Variants in ASXL3 observed in about 807,000 individuals in gnomAD.
ASXL3 encodes the protein putative Polycomb group protein ASXL3.
Under a neutral mutation model 170.6 loss-of-function variants are expected in ASXL3, and 34 were observed. That is an observed-to-expected ratio of 0.20 (90% CI 0.15 to 0.27). The LOEUF is 0.27. ASXL3 is among the 10% of genes least tolerant of loss of function. The probability of loss-of-function intolerance (pLI) is 1.00; values close to 1 mark genes in which losing one functional copy is unlikely to be tolerated. For missense variants in ASXL3, 2,592 were observed against 2,695.3 expected (o/e 0.96, Z 0.85); for synonymous variants, 1,002 against 989.1 (o/e 1.01, Z -0.24).
At chr18:33,700,711 C>A (rs2066858353) in intron 8 of ASXL3, among the ~76,000 whole-genome samples, 1 of 152,006 alleles carries the variant, frequency 6.6e-6, no homozygotes, top group Non-Finnish European at 1.5e-5. Flanking sequence ...TTAAATTTTT[C>A]CAAAAGTGTT....
intron 5 of ASXL3, among the ~76,000 whole-genome samples, chr18:33,667,280 GAA>G (rs1491542307): frequency 3.3e-5 from 5 of 152,050 alleles, no homozygotes; most frequent in Non-Finnish European, 5.9e-5. Flanking sequence ...CAGAAAAAAA[GAA>G]AGAGGAAACA....
chr18:33,736,006 T>C (rs368163043), intron 10 of ASXL3, among the ~76,000 whole-genome samples: 351 of 28,136 alleles, frequency 0.012, no homozygotes, highest in African/African-American at 0.1. Context: ...TTGCAAATAT[T>C]TCATTTAATC....
intron 1 of ASXL3, among the ~76,000 whole-genome samples, chr18:33,604,692 G>T (rs2065224960): frequency 6.6e-6 from 1 of 151,938 alleles, no homozygotes; most frequent in Non-Finnish European, 1.5e-5. Flanking sequence ...GAGTAAGTGT[G>T]GGGGTCCAAG....
intron 8 of ASXL3, among the ~76,000 whole-genome samples, chr18:33,720,021 A>C (rs2145369169): frequency 6.6e-6 from 1 of 152,148 alleles, no homozygotes; most frequent in South Asian, 2.1e-4. Flanking sequence ...GAAGAAGTAG[A>C]TCAGGGCCAT....
At chr18:33,641,661 A>AATTT (rs2065848799) in intron 2 of ASXL3, among the ~76,000 whole-genome samples, 1 of 152,030 alleles carries the variant, frequency 6.6e-6, no homozygotes, top group South Asian at 2.1e-4. Flanking sequence ...TAGGCAGCCA[A>AATTT]ATTTGGCTTT....
At chr18:33,686,327 C>CGTT (rs1568327739) in intron 8 of ASXL3, among the ~76,000 whole-genome samples, 1 of 152,186 alleles carries the variant, frequency 6.6e-6, no homozygotes, top group Non-Finnish European at 1.5e-5. Context: ...ATACTCTGTG[C>CGTT]TCACTACTAG....
At chr18:33,675,366 C>T (rs979700972) in intron 7 of ASXL3, among the ~76,000 whole-genome samples, 1 of 152,132 alleles carries the variant, frequency 6.6e-6, no homozygotes, top group African/African-American at 2.4e-5. Context: ...ATTTTTTCCA[C>T]CTGAGTTAGA....
At chr18:33,678,077 ATTAT>A (rs140094203) in intron 7 of ASXL3, among the ~76,000 whole-genome samples, 35,311 of 149,156 alleles carry the variant, frequency 0.24, 5,090 homozygotes, top group African/African-American at 0.41. Flanking sequence ...TTATGTATTT[ATTAT>A]TTATTTATTT....
At chr18:33,615,624 T>C (rs1432322899) in intron 2 of ASXL3, among the ~76,000 whole-genome samples, 2 of 152,110 alleles carry the variant, frequency 1.3e-5, no homozygotes, top group Admixed American at 6.6e-5. Flanking sequence ...CATAATAAAG[T>C]GAAACACACA....
intron 1 of ASXL3, among the ~76,000 whole-genome samples, chr18:33,601,783 T>TTGTTTATATATATATATATATATA (rs1555717828): frequency 1.5e-5 from 1 of 68,470 alleles, no homozygotes; most frequent in Non-Finnish European, 3.6e-5. Flanking sequence ...AAATATCTGA[T>TTGTTTATATATATATATATATATA]TGTATATATA....
At chr18:33,667,009 A>T (rs2066266962) in intron 5 of ASXL3, among the ~76,000 whole-genome samples, 1 of 152,156 alleles carries the variant, frequency 6.6e-6, no homozygotes, top group African/African-American at 2.4e-5. Context: ...CTTAGGTGAG[A>T]GGAGCCCTGT....
At chr18:33,699,374 TAG>T (rs1568335355) in intron 8 of ASXL3, among the ~76,000 whole-genome samples, 1 of 151,858 alleles carries the variant, frequency 6.6e-6, no homozygotes, top group Non-Finnish European at 1.5e-5. Flanking sequence ...ATGAAATTAT[TAG>T]TTGAAGAGTA....
intron 8 of ASXL3, among the ~76,000 whole-genome samples, chr18:33,719,699 T>C (rs2067226570): frequency 6.6e-6 from 1 of 151,988 alleles, no homozygotes; most frequent in South Asian, 2.1e-4. Flanking sequence ...AGAGTCTTCA[T>C]GAATGGGATT....
At chr18:33,696,997 A>G (rs2066783801) in intron 8 of ASXL3, among the ~76,000 whole-genome samples, 2 of 152,176 alleles carry the variant, frequency 1.3e-5, no homozygotes, top group Admixed American at 1.3e-4. Flanking sequence ...AAATATTTGT[A>G]CAGGGTCAAC....
intron 1 of ASXL3, among the ~76,000 whole-genome samples, chr18:33,590,745 T>C (rs752076045): frequency 6.6e-6 from 1 of 152,184 alleles, no homozygotes; most frequent in Non-Finnish European, 1.5e-5. Flanking sequence ...TTTCCTGATT[T>C]AGAAGCTAGA....
intron 1 of ASXL3, chr18:33,605,470 C>T (rs779493448): frequency 3.7e-4 from 56 of 152,154 alleles, no homozygotes; most frequent in Non-Finnish European, 7.2e-4. Context: ...TGTGTGGCTT[C>T]ATCATTTCCT....
intron 8 of ASXL3, among the ~76,000 whole-genome samples, chr18:33,717,682 A>G (rs1185556595): frequency 6.6e-6 from 1 of 152,080 alleles, no homozygotes; most frequent in Non-Finnish European, 1.5e-5. Context: ...TGAATACATC[A>G]GAAGGATGCT....
intron 2 of ASXL3, among the ~76,000 whole-genome samples, chr18:33,636,860 C>A (rs2065774071): frequency 1.3e-5 from 2 of 152,096 alleles, no homozygotes; most frequent in Admixed American, 6.6e-5. Flanking sequence ...ATCTAAAAAT[C>A]TGAAATCCTA....
At position 33,578,639 on chromosome 18, in the gene ASXL3, A is replaced by T; in HGVS notation, c.8A>T (p.Asp3Val). 7.4e-7 allele frequency: 1 copy of T among 1,359,534 alleles called. No individual in the cohort carries two copies. Among genetic ancestry groups the T allele is most frequent in the Non-Finnish European group, 9.7e-7 (1 of 1,030,124 alleles). 84.2% of individuals were successfully genotyped at this position (1,359,534 alleles called of 1,614,324 possible). MKDKRKKKDRTWA... is the reference protein window; with the variant it reads MKVKRKKKDRTWA... ...CATCAATGAGATGCAAACATGAAAG[A>T]CAAGAGGAAGAAGAAGGACCGCACC... Residue 3 changes from aspartate (D) to valine (V), a missense_variant, in exon 1 of 12, where the codon GAC (aspartate) becomes GTC (valine). By Grantham distance (152) the Asp-to-Val change is radical (BLOSUM62 -3). Transcript: ENST00000269197.
Sources: gnomAD v4.1 joint callset for allele counts (sites outside exome capture counted in the v4.1 genomes callset) on GRCh38, gnomAD v4.1.1 for gene constraint, MANE v1.5 for transcripts, NCBI Gene and HGNC (gene_info 2026-07-23, HGNC 2026-07-21) for gene names.